Variants in CHN2 observed in about 807,000 individuals in gnomAD.
CHN2 encodes beta-chimaerin.
CHN2 carries 35 observed loss-of-function variants against 56.3 expected under a neutral mutation model. The ratio of observed to expected loss-of-function variants is 0.62; its 90% CI spans 0.47 to 0.82. The LOEUF (loss-of-function observed/expected upper bound fraction) is 0.82. Among genes scored for constraint, CHN2 ranks in the 40% least tolerant of loss-of-function variants. The pLI is 0.00. For missense variants in CHN2, 491 were observed against 580.5 expected, an observed-to-expected ratio of 0.85 and a Z score of 1.58; for synonymous variants, 210 against 212.8, an observed-to-expected ratio of 0.99 and a Z score of 0.12.
At chr7:29,403,181 T>C (rs1306292471) in intron 6 of CHN2, among the ~76,000 whole-genome samples, 3 of 152,130 alleles carry the variant, frequency 2.0e-5, no homozygotes, top group Non-Finnish European at 4.4e-5. Flanking sequence ...CTCTCTGACC[T>C]ATATTGACAA....
intron 1 of CHN2, among the ~76,000 whole-genome samples, chr7:29,339,534 C>G (rs939746161): frequency 2.0e-5 from 3 of 152,122 alleles, no homozygotes; most frequent in Non-Finnish European, 4.4e-5. Context: ...AGCAATATAA[C>G]AATATTGTTT....
intron 4 of CHN2, chr7:29,397,370 CTCT>C (rs1453121978): frequency 2.6e-5 from 4 of 152,228 alleles, no homozygotes; most frequent in African/African-American, 9.6e-5. Context: ...CCCTTTCCTC[CTCT>C]TCAAGAAAGT....
At chr7:29,428,947 A>G (rs1322303281) in intron 6 of CHN2, among the ~76,000 whole-genome samples, 1 of 152,166 alleles carries the variant, frequency 6.6e-6, no homozygotes, top group Non-Finnish European at 1.5e-5. Context: ...CTGGAAAATG[A>G]GTCTCTTTGG....
chr7:29,182,143 C>G (rs1798140113), intron 2 of CHN2, among the ~76,000 whole-genome samples: 4 of 152,186 alleles, frequency 2.6e-5, no homozygotes. Flanking sequence ...CTGTCTTCCT[C>G]TTAATGAAAA....
intron 2 of CHN2, among the ~76,000 whole-genome samples, chr7:29,187,142 G>A (rs1180254445): frequency 6.6e-6 from 1 of 152,122 alleles, no homozygotes; most frequent in East Asian, 1.9e-4. Flanking sequence ...CATAATACCT[G>A]GAGCAGTAGT....
intron 1 of CHN2, among the ~76,000 whole-genome samples, chr7:29,328,705 A>G (rs1217317291): frequency 2.0e-5 from 3 of 151,988 alleles, no homozygotes; most frequent in African/African-American, 7.2e-5. Context: ...AAAAAGGCTA[A>G]TCCAGACCCT....
chr7:29,203,876 A>T (rs1459553624), intron 1 of CHN2, among the ~76,000 whole-genome samples: 1 of 152,220 alleles, frequency 6.6e-6, no homozygotes, highest in Non-Finnish European at 1.5e-5. Context: ...ATAAAGAGGA[A>T]CAGGTTGGGA....
At chr7:29,227,190 C>T (rs557667745) in intron 1 of CHN2, among the ~76,000 whole-genome samples, 27 of 152,322 alleles carry the variant, frequency 1.8e-4, no homozygotes, top group South Asian at 4.1e-4. Context: ...TGGTGCACCC[C>T]GCTGGCAGCA....
At chr7:29,372,952 G>T (rs539306184) in intron 3 of CHN2, among the ~76,000 whole-genome samples, 1 of 151,990 alleles carries the variant, frequency 6.6e-6, no homozygotes, top group Non-Finnish European at 1.5e-5. Context: ...AGTGAATATG[G>T]GATTATAAAA....
chr7:29,300,022 T>C (rs903097977), intron 1 of CHN2, among the ~76,000 whole-genome samples: 1 of 152,150 alleles, frequency 6.6e-6, no homozygotes, highest in Non-Finnish European at 1.5e-5. Context: ...CAAATTAGAC[T>C]GGGAAGAAAG....
chr7:29,316,522 G>C (rs1048948765), intron 1 of CHN2, among the ~76,000 whole-genome samples: 2 of 152,154 alleles, frequency 1.3e-5, no homozygotes, highest in African/African-American at 4.8e-5. Context: ...ACACAGTTCA[G>C]TATCATGCAG....
At chr7:29,193,133 G>C (rs778347969), upstream of CHN2, 4 of 152,198 alleles carry the variant, frequency 2.6e-5, no homozygotes, top group Non-Finnish European at 5.9e-5. Context: ...CCATACAGTT[G>C]AGGGGTAGGA....
At chr7:29,440,196 C>A (rs1276138983) in intron 6 of CHN2, among the ~76,000 whole-genome samples, 7 of 152,202 alleles carry the variant, frequency 4.6e-5, no homozygotes, top group Non-Finnish European at 7.3e-5. Flanking sequence ...AGTTTATCTG[C>A]ATTAAATATG....
chr7:29,196,415 A>C (rs1453223472), intron 1 of CHN2, among the ~76,000 whole-genome samples: 1 of 152,248 alleles, frequency 6.6e-6, no homozygotes, highest in African/African-American at 2.4e-5. Flanking sequence ...AAGAGCAGCA[A>C]CAAGTTGACC....
At chr7:29,172,170 C>T (rs570180344) in intron 2 of CHN2, among the ~76,000 whole-genome samples, 1 of 152,084 alleles carries the variant, frequency 6.6e-6, no homozygotes, top group Non-Finnish European at 1.5e-5. Context: ...GGGATTCCTG[C>T]AATGATTCAG....
chr7:29,430,808 A>C (rs1186970525), intron 6 of CHN2, among the ~76,000 whole-genome samples: 3 of 145,012 alleles, frequency 2.1e-5, no homozygotes, highest in Non-Finnish European at 4.5e-5. Context: ...AAAAAAAAAA[A>C]AAAGGGGACT....
intron 2 of CHN2, among the ~76,000 whole-genome samples, chr7:29,153,237 A>C (rs1793852698): frequency 6.6e-6 from 1 of 152,184 alleles, no homozygotes. Context: ...CTCTGTGTGT[A>C]CTCTTGCCCC....
chr7:29,248,363 T>A (rs996486593), intron 1 of CHN2, among the ~76,000 whole-genome samples: 2 of 152,184 alleles, frequency 1.3e-5, no homozygotes, highest in Non-Finnish European at 2.9e-5. Flanking sequence ...GCGACCCTAG[T>A]CTTCCTCCAG....
At chr7:29,282,795 C>A (rs143240587) in intron 1 of CHN2, among the ~76,000 whole-genome samples, 2 of 151,768 alleles carry the variant, frequency 1.3e-5, no homozygotes, top group Admixed American at 1.3e-4. Context: ...GAAGATCACG[C>A]GACAGAGAAA....
Sources: gnomAD v4.1 joint callset for allele counts (sites outside exome capture counted in the v4.1 genomes callset) on GRCh38, gnomAD v4.1.1 for gene constraint, MANE v1.5 for transcripts, NCBI Gene and HGNC (gene_info 2026-07-23, HGNC 2026-07-21) for gene names.